PCDH15: variants seen among roughly 807,000 people sequenced by gnomAD.
PCDH15 encodes the protein protocadherin related 15.
In PCDH15, 129 loss-of-function variants were observed where a neutral mutation model predicts 178.5. That is an observed-to-expected ratio of 0.72 (90% CI 0.63 to 0.84). PCDH15 has a LOEUF of 0.84. PCDH15 is among the 40% of genes least tolerant of loss of function. The pLI, the probability that PCDH15 is intolerant of heterozygous loss-of-function variation, is 0.00. For missense variants in PCDH15, 2,230 were observed against 2,099.9 expected (o/e 1.06, Z -1.21); for synonymous variants, 800 against 732.0 (o/e 1.09, Z -1.50).
intron 1 of PCDH15, among the ~76,000 whole-genome samples, chr10:55,305,020 T>C (rs949400099): frequency 6.6e-6 from 1 of 152,222 alleles, no homozygotes; most frequent in Non-Finnish European, 1.5e-5. Context: ...AAGCTCATAG[T>C]ATTCCAGAAG....
intron 2 of PCDH15, among the ~76,000 whole-genome samples, chr10:54,638,215 A>G (rs573191004): frequency 6.6e-6 from 1 of 152,244 alleles, no homozygotes; most frequent in African/African-American, 2.4e-5. Flanking sequence ...TGTATTTTAG[A>G]CATATACATT....
At chr10:55,369,460 G>A (rs929279374) in intron 2 of PCDH15, among the ~76,000 whole-genome samples, 1 of 151,950 alleles carries the variant, frequency 6.6e-6, no homozygotes, top group African/African-American at 2.4e-5. Context: ...AGTACCCTTG[G>A]TCACAGTGGT....
At chr10:54,970,268 T>C (rs1180294826) in intron 2 of PCDH15, among the ~76,000 whole-genome samples, 6 of 152,210 alleles carry the variant, frequency 3.9e-5, no homozygotes, top group African/African-American at 1.4e-4. Context: ...TCTGATATTT[T>C]GTTATTGCAG....
At chr10:54,935,792 AATTC>A (rs1837889487) in intron 2 of PCDH15, among the ~76,000 whole-genome samples, 2 of 152,094 alleles carry the variant, frequency 1.3e-5, no homozygotes, top group Admixed American at 1.3e-4. Flanking sequence ...ACTGGAATTT[AATTC>A]ATTATTACAT....
chr10:55,505,591 A>T (rs1840743438), intron 2 of PCDH15, among the ~76,000 whole-genome samples: 1 of 151,330 alleles, frequency 6.6e-6, no homozygotes, highest in South Asian at 2.1e-4. Context: ...AAAGTCTGTC[A>T]TCTAAGTTAG....
At chr10:55,500,151 A>T (rs1589085266) in intron 2 of PCDH15, among the ~76,000 whole-genome samples, 4 of 145,174 alleles carry the variant, frequency 2.8e-5, no homozygotes, top group African/African-American at 1.1e-4. Context: ...ACATCAGATA[A>T]GAACAGCAGA....
chr10:55,599,765 C>T (rs11004927), intron 2 of PCDH15: 295,845 of 417,140 alleles, frequency 0.71, 108,062 homozygotes, highest in East Asian at 1. Context: ...CCCCATCTCT[C>T]TACCAAAAAC....
At chr10:54,961,138 G>A (rs1838642784) in intron 2 of PCDH15, among the ~76,000 whole-genome samples, 2 of 152,238 alleles carry the variant, frequency 1.3e-5, no homozygotes, top group Non-Finnish European at 2.9e-5. Flanking sequence ...AGTGTTGGAG[G>A]AGCAGACAGG....
intron 7 of PCDH15, among the ~76,000 whole-genome samples, chr10:54,318,330 T>C (rs2061402274): frequency 6.6e-6 from 1 of 152,136 alleles, no homozygotes; most frequent in Admixed American, 6.6e-5. Context: ...TGGTCTGTGA[T>C]TCCCCCACAC....
At chr10:54,934,963 G>A (rs1415501132) in intron 2 of PCDH15, among the ~76,000 whole-genome samples, 1 of 151,708 alleles carries the variant, frequency 6.6e-6, no homozygotes, top group African/African-American at 2.4e-5. Flanking sequence ...ATAATTCTCA[G>A]TAAACTATCG....
At chr10:54,314,433 C>A (rs1180329682) in intron 8 of PCDH15, among the ~76,000 whole-genome samples, 5 of 151,932 alleles carry the variant, frequency 3.3e-5, no homozygotes, top group Admixed American at 1.3e-4. Flanking sequence ...TATACTTGAA[C>A]CTTACATGCT....
intron 2 of PCDH15, among the ~76,000 whole-genome samples, chr10:55,490,100 G>C (rs1009372835): frequency 4.0e-5 from 6 of 151,676 alleles, no homozygotes; most frequent in Non-Finnish European, 4.4e-5. Flanking sequence ...ACAAGCAGCA[G>C]AGGACTGTCA....
intron 2 of PCDH15, among the ~76,000 whole-genome samples, chr10:55,037,792 T>A (rs1157910641): frequency 6.6e-6 from 1 of 152,210 alleles, no homozygotes; most frequent in Non-Finnish European, 1.5e-5. Context: ...GTTCAATATC[T>A]AATAGTTTTA....
chr10:55,198,182 T>C (rs1409615481), intron 1 of PCDH15, among the ~76,000 whole-genome samples: 2 of 152,152 alleles, frequency 1.3e-5, no homozygotes, highest in Non-Finnish European at 2.9e-5. Context: ...TTTTTTGCAG[T>C]TGCTCTTCAA....
At chr10:54,696,812 C>A (rs1256279403) in intron 1 of PCDH15, among the ~76,000 whole-genome samples, 1 of 152,192 alleles carries the variant, frequency 6.6e-6, no homozygotes, top group East Asian at 1.9e-4. Context: ...ATCCTGAAAA[C>A]TTTTAACAAG....
intron 2 of PCDH15, among the ~76,000 whole-genome samples, chr10:55,009,213 A>G (rs1460934573): frequency 6.6e-6 from 1 of 151,554 alleles, no homozygotes; most frequent in Admixed American, 6.6e-5. Flanking sequence ...GAAGACAAGA[A>G]TTATTTCCTG....
chr10:54,212,198 C>T (rs568459024), intron 10 of PCDH15, among the ~76,000 whole-genome samples: 36 of 152,158 alleles, frequency 2.4e-4, no homozygotes, highest in African/African-American at 8.7e-4. Context: ...GGTAGATCCA[C>T]AATAGAAAAT....
chr10:54,600,622 C>A, intron 2 of PCDH15: 1 of 581,770 alleles, frequency 1.7e-6, no homozygotes, highest in Non-Finnish European at 3.3e-6. Flanking sequence ...CCAGTGTCTA[C>A]TAAAAAGGTA....
chr10:55,496,129 T>C (rs1840528073), intron 2 of PCDH15, among the ~76,000 whole-genome samples: 1 of 151,810 alleles, frequency 6.6e-6, no homozygotes, highest in South Asian at 2.1e-4. Context: ...GTGAACTTAC[T>C]AAAAACTTTG....
Sources: allele counts gnomAD v4.1 joint callset (sites outside exome capture counted in the v4.1 genomes callset), GRCh38; gene constraint gnomAD v4.1.1; transcripts MANE v1.5; gene names NCBI Gene and HGNC (gene_info 2026-07-23, HGNC 2026-07-21).